PRDM12: variants seen among roughly 807,000 people sequenced by gnomAD.
PRDM12 encodes PR/SET domain 12.
PRDM12 carries 17 observed loss-of-function variants against 29.6 expected under a neutral mutation model. That is an observed-to-expected ratio of 0.57 (90% CI 0.39 to 0.86). The LOEUF (loss-of-function observed/expected upper bound fraction) is 0.86. Ranked by LOEUF, PRDM12 falls within the 40% of genes least tolerant of loss-of-function variation. The pLI is 0.00. For synonymous variants in PRDM12, 231 were observed against 225.8 expected, an observed-to-expected ratio of 1.02 and a Z score of -0.21; for missense variants, 422 against 510.8, an observed-to-expected ratio of 0.83 and a Z score of 1.68.
At chr9:130,680,575 G>A (rs1175376509) in intron 4 of PRDM12, among the ~76,000 whole-genome samples, 7 of 144,962 alleles carry the variant, frequency 4.8e-5, no homozygotes, top group Admixed American at 7.0e-5. Context: ...GCAGTGAGCC[G>A]AGATCGCGCC....
rs1045674962 is a variant in PRDM12 at position 130,681,911 on chromosome 9, C to T, written c.*242C>T. ...AGCTGGTGCGGCTGTTCGGCCGCCT[C>T]CTCTGGGAGGGGGTCCCCCTGCCTG... On this transcript the variant is annotated 3_prime_UTR_variant, in exon 5 of 5. Transcript: ENST00000253008. This position sits in a 1 kb window ranked among gnomAD's most constrained non-coding sequence, Gnocchi z 8.1. The T allele has an allele frequency of 1.4e-5, 3 of 222,036 alleles. No individual in the cohort carries two copies. Among genetic ancestry groups the T allele is most frequent in the Non-Finnish European group, 2.3e-5 (3 of 132,212 alleles). The allele number at this position is 222,036 out of a possible 1,614,324, so 13.8% of individuals were successfully genotyped here. A position where few individuals can be genotyped will look rare whatever the true frequency, so the allele number is the denominator to read the frequency against.
chr9:130,675,339 G>A (rs1321942415), intron 3 of PRDM12, among the ~76,000 whole-genome samples: 1 of 152,262 alleles, frequency 6.6e-6, no homozygotes, highest in Non-Finnish European at 1.5e-5. Flanking sequence ...TGTGCTGGAG[G>A]AGTTGGTTTC....
rs752427775 is a variant in PRDM12 at position 130,681,605 on chromosome 9, TCGCCGCCGCCGC to T, written c.1065_1076del (p.Ala356_Ala359del). ...GCCCCGCACGCGCACGCGCCCGCGC[TCGCCGCCGCCGC>T]CGCCGCCGCCGCCGCCGCCGCCGCG... On this transcript the variant is annotated inframe_deletion, in exon 5 of 5. Transcript: ENST00000253008. The surrounding 1 kb of genome is among the most constrained non-coding windows in gnomAD (Gnocchi z 8.1). 445 of 954,886 alleles carry T rather than the reference TCGCCGCCGCCGC, an allele frequency of 4.7e-4. No homozygotes were observed. The highest frequency in any genetic ancestry group is 1.6e-3 in the Middle Eastern group (3 of 1,866). 59.2% of individuals were successfully genotyped at this position (954,886 alleles called of 1,614,324 possible). A position where few individuals can be genotyped will look rare whatever the true frequency, so the allele number is the denominator to read the frequency against.
In PRDM12 at chr9:130,681,381, G is replaced by T; in HGVS notation, c.816G>T (p.Val272=). 1 of 1,593,318 alleles carries T rather than the reference G, an allele frequency of 6.3e-7. No homozygotes were observed. The stretch of plus-strand genomic sequence containing the variant: ...TCCACACGCTGGACAAGCCCTTCGT[G>T]TGCCGCTTCTGCAACCGCCGCTTCA... The part of the protein sequence containing the change: ...MRIHTLDKPF[V]CRFCNRRFSQ... Residue 272 remains valine (V), a synonymous_variant, in exon 5 of 5, where the codon GTG becomes GTT. Coordinates refer to ENST00000253008, the MANE Select transcript of PRDM12 (RefSeq NM_021619.3). This position sits in a 1 kb window ranked among gnomAD's most constrained non-coding sequence, Gnocchi z 8.1.
Position 130,681,283 on chromosome 9 carries a change from G to A in PRDM12, c.718G>A (p.Ala240Thr), listed in dbSNP as rs1830898087. 1 of 1,490,532 alleles carries A rather than the reference G, an allele frequency of 6.7e-7. No individual in the cohort carries two copies. Among genetic ancestry groups the A allele is most frequent in the Non-Finnish European group, 9.0e-7 (1 of 1,114,240 alleles). 92.3% of individuals were successfully genotyped at this position (1,490,532 alleles called of 1,614,324 possible). Reference protein sequence around the residue: ...FHPADSAAGPAGRMRCVICHR... With the variant: ...FHPADSAAGPTGRMRCVICHR... ...CCCGGCGGACTCGGCGGCTGGCCCCGCGGGCCGCATGCGATGCGTCATCTG... is the reference window on the plus strand; with the variant it reads ...CCCGGCGGACTCGGCGGCTGGCCCCACGGGCCGCATGCGATGCGTCATCTG... Residue 240 changes from alanine to threonine, a missense_variant, in exon 5 of 5, where the codon GCG becomes ACG. Transcript: ENST00000253008. This position sits in a 1 kb window ranked among gnomAD's most constrained non-coding sequence, Gnocchi z 8.1.
chr9:130,671,337 C>T lies in PRDM12; in HGVS notation c.570+3024C>T, dbSNP rs140552157. On this transcript the variant is annotated intron_variant, in intron 3 of 4. Transcript: ENST00000253008. ...CAGCCTGGGTGACAAAGTGAGACTC[C>T]GTCTCAACAACAACAACAACAAAAA... is the stretch of plus-strand genomic sequence containing the variant. Among the ~76,000 whole-genome samples the T allele has an allele frequency of 3.9e-4, 54 of 139,358 alleles. No individual in the cohort carries two copies. In the East Asian group the frequency reaches 0.011, roughly 28 times the overall value. 91.4% of individuals were successfully genotyped at this position (139,358 alleles called of 152,430 possible).
intron 4 of PRDM12, among the ~76,000 whole-genome samples, chr9:130,678,910 C>G (rs1411279654): frequency 6.6e-6 from 1 of 152,100 alleles, no homozygotes; most frequent in Non-Finnish European, 1.5e-5. Context: ...ACCAGAGAGG[C>G]AATGAGGTGT....
chr9:130,674,492 T>TTGTGTGTGTGTGTGTGTGTGTGTG (rs58489448), intron 3 of PRDM12, among the ~76,000 whole-genome samples: 1 of 142,796 alleles, frequency 7.0e-6, no homozygotes, highest in African/African-American at 2.6e-5. Context: ...AAAAGATAAT[T>TTGTGTGTGTGTGTGTGTGTGTGTG]TGTGTGTGTG....
Position 130,678,493 on chromosome 9 carries a change from G to A in PRDM12, c.571-36G>A, listed in dbSNP as rs141283259. On this transcript the variant is annotated intron_variant, in intron 3 of 4. Coordinates refer to ENST00000253008, the MANE Select transcript of PRDM12 (RefSeq NM_021619.3). ...CCCCCAACTCTCACCTCCCAGCTGC[G>A]GCCTCCCTGACCTCCTCTTGCCTTC... 1,860 of 1,504,160 alleles carry A rather than the reference G, an allele frequency of 1.2e-3. 20 individuals are homozygous for A. The African/African-American group carries it at 0.022, about 18-fold the overall frequency. 93.2% of individuals were successfully genotyped at this position (1,504,160 alleles called of 1,614,324 possible).
chr9:130,678,648 T>A lies in PRDM12; in HGVS notation c.682+8T>A, dbSNP rs1202952633. On this transcript the variant is annotated splice_region_variant and intron_variant, in intron 4 of 4. Coordinates refer to ENST00000253008, the MANE Select transcript of PRDM12 (RefSeq NM_021619.3). ...AGAAAAAGAACAAGCATGGTAGGTG[T>A]TCCCCATGGGGCCGCTGAGACACAG... 3 of 1,590,826 alleles carry A rather than the reference T, an allele frequency of 1.9e-6. 1 individual carries two copies. The highest frequency in any genetic ancestry group is 2.6e-6 in the Non-Finnish European group (3 of 1,159,878).
At chr9:130,675,415 C>T (rs113891704) in intron 3 of PRDM12, among the ~76,000 whole-genome samples, 8 of 152,270 alleles carry the variant, frequency 5.3e-5, no homozygotes, top group African/African-American at 1.9e-4. Flanking sequence ...TCGGAGCATT[C>T]GGGCCCAGCC....
At chr9:130,676,777 A>G (rs1217148328) in intron 3 of PRDM12, among the ~76,000 whole-genome samples, 1 of 152,138 alleles carries the variant, frequency 6.6e-6, no homozygotes, top group Non-Finnish European at 1.5e-5. Context: ...GCTCGCCATG[A>G]TGCCCCGTGA....
chr9:130,681,485 C>G lies in PRDM12; in HGVS notation c.920C>G (p.Ala307Gly). 2 of 1,526,206 alleles carry G rather than the reference C, an allele frequency of 1.3e-6. No individual in the cohort carries two copies. Among genetic ancestry groups the G allele is most frequent in the South Asian group, 2.4e-5 (2 of 83,350 alleles). 94.5% of individuals were successfully genotyped at this position (1,526,206 alleles called of 1,614,324 possible). A position where few individuals can be genotyped will look rare whatever the true frequency, so the allele number is the denominator to read the frequency against. ...RPYKCQVCQSAYSQLAGLRAH... is the reference protein window; with the variant it reads ...RPYKCQVCQSGYSQLAGLRAH... ...TACAAGTGCCAGGTGTGCCAGAGCG[C>G]CTACTCGCAGCTGGCCGGCCTGCGC... The change falls in exon 5 of 5, where the codon GCC becomes GGC. Residue 307 changes from alanine (A) to glycine (G), a missense_variant. Ala to Gly is a moderately conservative substitution (Grantham distance 60, BLOSUM62 0). This residue lies in a region of PRDM12 where 24 missense variants were observed against 64.0 expected (regional missense o/e 0.38). Coordinates refer to ENST00000253008, the MANE Select transcript of PRDM12 (RefSeq NM_021619.3). The surrounding 1 kb of genome is among the most constrained non-coding windows in gnomAD (Gnocchi z 8.1).
rs1246217729 is a variant in PRDM12 at position 130,664,789 on chromosome 9, G to A, written c.136G>A (p.Gly46Arg). The A allele has an allele frequency of 6.3e-7, 1 of 1,598,744 alleles. No homozygotes were observed. Among genetic ancestry groups the A allele is most frequent in the Non-Finnish European group, 8.5e-7 (1 of 1,174,232 alleles). Reference protein sequence around the residue: ...FLYGRWRNVLGEQLFEDKSHH... With the variant: ...FLYGRWRNVLREQLFEDKSHH... ...GTACGGCCGCTGGCGCAACGTGCTC[G>A]GGGAGCAGCTCTTCGAGGACAAGAG... The change falls in exon 1 of 5, where the codon GGG (glycine) becomes AGG (arginine). Residue 46 changes from glycine to arginine, a missense_variant. Transcript: ENST00000253008. The surrounding 1 kb of genome is among the most constrained non-coding windows in gnomAD (Gnocchi z 6.4).
intron 3 of PRDM12, among the ~76,000 whole-genome samples, chr9:130,672,881 C>A (rs1830802237): frequency 6.6e-6 from 1 of 152,178 alleles, no homozygotes; most frequent in African/African-American, 2.4e-5. Context: ...ACCAAAAATT[C>A]TGTCATTTCC....
chr9:130,664,944 G>A lies in PRDM12; in HGVS notation c.223+68G>A. ...CGACCCCCATTCCCGTCCTGGCGAT[G>A]CGCGAGACGCGGCTGGGATACCCGG... On this transcript the variant is annotated intron_variant, in intron 1 of 4. Transcript: ENST00000253008. This position sits in a 1 kb window ranked among gnomAD's most constrained non-coding sequence, Gnocchi z 6.4. 2 of 1,410,480 alleles carry A rather than the reference G, an allele frequency of 1.4e-6. No individual in the cohort carries two copies. The highest frequency in any genetic ancestry group is 2.3e-5 in the Admixed American group (1 of 44,226). 87.4% of individuals were successfully genotyped at this position (1,410,480 alleles called of 1,614,324 possible).
intron 3 of PRDM12, among the ~76,000 whole-genome samples, chr9:130,669,522 CA>C (rs1414521679): frequency 9.5e-4 from 126 of 133,000 alleles, no homozygotes; most frequent in East Asian, 5.0e-3. Context: ...GACTCCATCT[CA>C]AAAAAAAAAA....
intron 3 of PRDM12, among the ~76,000 whole-genome samples, chr9:130,673,998 C>G (rs1226121019): frequency 1.5e-5 from 2 of 129,906 alleles, no homozygotes; most frequent in Non-Finnish European, 3.2e-5. Flanking sequence ...TTTTTCTTTT[C>G]TTTCTTTCTT....
At chr9:130,672,244 T>G (rs533726117) in intron 3 of PRDM12, among the ~76,000 whole-genome samples, 1 of 152,320 alleles carries the variant, frequency 6.6e-6, no homozygotes, top group South Asian at 2.1e-4. Flanking sequence ...CTCTGTCATC[T>G]AGGCTGGAGT....
Sources: gnomAD v4.1 joint callset for allele counts (sites outside exome capture counted in the v4.1 genomes callset) on GRCh38, gnomAD v4.1.1 for gene constraint, gnomAD v4.1.1 regional missense constraint, Gnocchi (gnomAD v3.1) non-coding constraint, MANE v1.5 for transcripts, NCBI Gene and HGNC (gene_info 2026-07-23, HGNC 2026-07-21) for gene names.